Variants in FGF12 observed in about 807,000 individuals in gnomAD.
The protein encoded by FGF12 is fibroblast growth factor 12.
A neutral mutation model predicts 23.6 loss-of-function variants in FGF12; 14 were observed. The observed-to-expected ratio is 0.59, with a 90% CI of 0.39 to 0.93. FGF12 has a LOEUF of 0.93. FGF12 is among the 40% of genes least tolerant of loss of function. The pLI is 0.00. For synonymous variants in FGF12, 62 were observed against 77.3 expected (o/e 0.80, Z 1.04); for missense variants, 175 against 217.8 (o/e 0.80, Z 1.24).
At position 192,681,252 on chromosome 3, in the gene FGF12, A is replaced by G. The variant is rs140362781; in HGVS notation, c.13+45929T>C. 7.9e-4 allele frequency among the ~76,000 whole-genome samples: 120 copies of G among 152,342 alleles called. 3 individuals carry two copies. The highest frequency in any genetic ancestry group is 2.5e-3 in the African/African-American group (106 of 41,586). ...CCAAAGGGATATAACAATGTAAACT[A>G]GAGACGATAAAAGGGGTGACATAAA... On this transcript the variant is annotated intron_variant, in intron 2 of 5. Transcript: ENST00000445105.
chr3:192,459,871 G>A (rs183468088), intron 2 of FGF12, among the ~76,000 whole-genome samples: 8 of 151,832 alleles, frequency 5.3e-5, no homozygotes, highest in East Asian at 3.9e-4. Context: ...GTGTGTGTGC[G>A]TGTGTGTGTG....
chr3:192,526,739 G>C (rs1347521898), intron 2 of FGF12, among the ~76,000 whole-genome samples: 1 of 152,198 alleles, frequency 6.6e-6, no homozygotes, highest in African/African-American at 2.4e-5. Context: ...CTTTACCCGA[G>C]TTGCAGAATA....
At chr3:192,323,265 C>T (rs1385335445) in intron 4 of FGF12, among the ~76,000 whole-genome samples, 3 of 152,158 alleles carry the variant, frequency 2.0e-5, no homozygotes, top group Non-Finnish European at 4.4e-5. Flanking sequence ...TATTTGCACT[C>T]CTATGTTTAC....
intron 4 of FGF12, among the ~76,000 whole-genome samples, chr3:192,272,678 C>T (rs1713522560): frequency 6.6e-6 from 1 of 152,148 alleles, no homozygotes; most frequent in Admixed American, 6.5e-5. Context: ...TCACAAGGCT[C>T]CAACTTGCTT....
At chr3:192,284,918 C>T (rs1714360820) in intron 4 of FGF12, among the ~76,000 whole-genome samples, 2 of 152,016 alleles carry the variant, frequency 1.3e-5, no homozygotes, top group Non-Finnish European at 2.9e-5. Context: ...TTGCTGGTGA[C>T]TCTGAAGTTA....
intron 5 of FGF12, among the ~76,000 whole-genome samples, chr3:192,159,466 T>C (rs1383621858): frequency 6.6e-6 from 1 of 152,180 alleles, no homozygotes; most frequent in Non-Finnish European, 1.5e-5. Flanking sequence ...ATGTTAGTGT[T>C]CCCCAGGAGT....
rs73064254 is a variant in FGF12 at position 192,412,039 on chromosome 3, G to A, written c.14-51501C>T. Among the ~76,000 whole-genome samples, 1,126 of 152,030 alleles carry A rather than the reference G, an allele frequency of 7.4e-3. 13 individuals carry two copies. Among genetic ancestry groups the A allele is most frequent in the African/African-American group, 0.025 (1,016 of 41,464 alleles). On this transcript the variant is annotated intron_variant, in intron 2 of 5. Coordinates refer to ENST00000445105, the MANE Select transcript of FGF12 (RefSeq NM_004113.6). ...GATTCCTGATGGTCTCTCAAAACAC[G>A]AAGTGGAAGTCTGTATGGGTAGAGC...
At chr3:192,285,579 A>C (rs2108644317) in intron 4 of FGF12, among the ~76,000 whole-genome samples, 1 of 152,044 alleles carries the variant, frequency 6.6e-6, no homozygotes, top group East Asian at 1.9e-4. Flanking sequence ...TCATTTTCTT[A>C]TTATAACTTG....
intron 2 of FGF12, among the ~76,000 whole-genome samples, chr3:192,718,204 A>C (rs533289680): frequency 9.1e-6 from 1 of 110,008 alleles, no homozygotes; most frequent in East Asian, 3.1e-4. Context: ...GGTGCTGGTT[A>C]GGGCTGGCAG....
At chr3:192,315,939 A>G (rs1273264657) in intron 4 of FGF12, among the ~76,000 whole-genome samples, 1 of 152,218 alleles carries the variant, frequency 6.6e-6, no homozygotes, top group Admixed American at 6.5e-5. Context: ...GCAGTTCATA[A>G]AAATGTAACC....
At chr3:192,405,418 G>A (rs1720919816) in intron 2 of FGF12, among the ~76,000 whole-genome samples, 1 of 151,192 alleles carries the variant, frequency 6.6e-6, no homozygotes, top group Admixed American at 6.6e-5. Context: ...TCAAACACTT[G>A]CCTTAGATTC....
chr3:192,241,203 AG>A (rs1719601815), intron 4 of FGF12, among the ~76,000 whole-genome samples: 2 of 152,198 alleles, frequency 1.3e-5, no homozygotes, highest in Non-Finnish European at 2.9e-5. Flanking sequence ...CTATATAAAA[AG>A]ATTAGTACTG....
At chr3:192,460,993 G>A (rs1207796374) in intron 2 of FGF12, among the ~76,000 whole-genome samples, 2 of 152,060 alleles carry the variant, frequency 1.3e-5, no homozygotes, top group Non-Finnish European at 2.9e-5. Context: ...ATGGCTCACA[G>A]TTTGTGCTAA....
intron 2 of FGF12, among the ~76,000 whole-genome samples, chr3:192,511,086 T>C (rs557446608): frequency 6.6e-6 from 1 of 152,294 alleles, no homozygotes; most frequent in Admixed American, 6.5e-5. Flanking sequence ...TCTAGGCATC[T>C]GATAATCCTT....
chr3:192,494,506 C>A (rs1202820638), intron 2 of FGF12, among the ~76,000 whole-genome samples: 2 of 152,152 alleles, frequency 1.3e-5, no homozygotes, highest in East Asian at 3.9e-4. Flanking sequence ...TATTTTTAGT[C>A]TTTACCTGTT....
chr3:192,424,649 T>G (rs1038325826), intron 2 of FGF12, among the ~76,000 whole-genome samples: 1 of 152,166 alleles, frequency 6.6e-6, no homozygotes, highest in Non-Finnish European at 1.5e-5. Context: ...GAAAATTTCA[T>G]GAAGATATGA....
chr3:192,468,850 A>AT (rs971343991), intron 2 of FGF12, among the ~76,000 whole-genome samples: 1 of 152,134 alleles, frequency 6.6e-6, no homozygotes, highest in Admixed American at 6.6e-5. Flanking sequence ...CGGAACAGTG[A>AT]TTTTTCTATT....
intron 4 of FGF12, among the ~76,000 whole-genome samples, chr3:192,171,395 G>A (rs35720882): frequency 0.044 from 6,624 of 152,206 alleles, 191 homozygotes; most frequent in Admixed American, 0.059. Flanking sequence ...AAAAGGTCAC[G>A]TGATTAATTC....
intron 2 of FGF12, among the ~76,000 whole-genome samples, chr3:192,537,280 T>G: frequency 6.6e-6 from 1 of 152,214 alleles, no homozygotes; most frequent in Non-Finnish European, 1.5e-5. Flanking sequence ...TAGAAATCTC[T>G]TTGATACACT....
Sources: gnomAD v4.1 joint callset for allele counts (sites outside exome capture counted in the v4.1 genomes callset) on GRCh38, gnomAD v4.1.1 for gene constraint, MANE v1.5 for transcripts, NCBI Gene and HGNC (gene_info 2026-07-23, HGNC 2026-07-21) for gene names.